SYNE2: variants seen among roughly 807,000 people sequenced by gnomAD.
SYNE2 encodes the protein nesprin-2.
SYNE2 carries 431 observed loss-of-function variants against 856.3 expected under a neutral mutation model. The observed-to-expected ratio is 0.50, with a 90% CI of 0.47 to 0.55. The LOEUF is 0.55. SYNE2 is among the 20% of genes least tolerant of loss of function. The pLI, the probability that SYNE2 is intolerant of heterozygous loss-of-function variation, is 0.00. For synonymous variants in SYNE2, 2,923 were observed against 2,872.3 expected (o/e 1.02, Z -0.56); for missense variants, 8,129 against 8,023.2 (o/e 1.01, Z -0.50).
rs149215311 is a variant in SYNE2, at chr14:64,026,606, G to A, written c.6280G>A (p.Asp2094Asn). 6.8e-6 allele frequency: 11 copies of A among 1,613,704 alleles called. No individual in the cohort carries two copies. In the East Asian group the frequency reaches 1.8e-4, roughly 26 times the overall value. The change falls in exon 42 of 116, where the codon GAT becomes AAT. Residue 2094 changes from aspartate to asparagine, a missense_variant. By Grantham distance (23) the Asp-to-Asn change is conservative. Transcript: ENST00000555002. ...KEIILLKPEG[D>N]ARIETIMKQA... ...AATCATTTTGCTGAAGCCTGAAGGG[G>A]ATGCCAGAATAGAGACCATCATGAA...
intron 11 of SYNE2, among the ~76,000 whole-genome samples, chr14:63,974,165 G>A (rs1566946816): frequency 6.6e-6 from 1 of 152,162 alleles, no homozygotes; most frequent in Non-Finnish European, 1.5e-5. Flanking sequence ...TTAAGACCAG[G>A]ACTTTTCATT....
chr14:63,803,767 C>T (rs1474404964), intron 1 of SYNE2, among the ~76,000 whole-genome samples: 3 of 152,220 alleles, frequency 2.0e-5, no homozygotes, highest in Admixed American at 2.0e-4. Flanking sequence ...GGAGCCCAGG[C>T]AGAGGAGGTG....
In SYNE2 at chr14:64,129,913, C is replaced by T. The variant is rs1442202552; in HGVS notation, c.14139+12C>T. 1 of 1,614,102 alleles carries T rather than the reference C, an allele frequency of 6.2e-7. No individual in the cohort carries two copies. The highest frequency in any genetic ancestry group is 1.1e-5 in the South Asian group (1 of 91,070). On this transcript the variant is annotated intron_variant, in intron 75 of 115. Coordinates refer to ENST00000555002, the MANE Select transcript of SYNE2 (RefSeq NM_182914.3). ...TTTACAAATTAGAGGTATGCCTGAGCAGAAAACATTGACTCAGCACTGTGA... is the reference window on the plus strand; with the variant it reads ...TTTACAAATTAGAGGTATGCCTGAGTAGAAAACATTGACTCAGCACTGTGA...
intron 90 of SYNE2, among the ~76,000 whole-genome samples, chr14:64,166,616 A>T: frequency 6.6e-6 from 1 of 152,210 alleles, no homozygotes; most frequent in East Asian, 1.9e-4. Context: ...TGGCAGACTA[A>T]ATGGGACTTA....
At chr14:63,785,070 C>T (rs1236405122) in intron 1 of SYNE2, among the ~76,000 whole-genome samples, 1 of 152,020 alleles carries the variant, frequency 6.6e-6, no homozygotes, top group Non-Finnish European at 1.5e-5. Flanking sequence ...TTGATAAGTC[C>T]CACTATTCAC....
intron 1 of SYNE2, among the ~76,000 whole-genome samples, chr14:63,853,648 G>T (rs971504248): frequency 6.6e-6 from 1 of 151,564 alleles, no homozygotes; most frequent in Non-Finnish European, 1.5e-5. Context: ...TTGCAGGATC[G>T]TGAGCGGTGC....
At chr14:64,072,413 A>G (rs1010780989) in intron 52 of SYNE2, among the ~76,000 whole-genome samples, 1 of 152,152 alleles carries the variant, frequency 6.6e-6, no homozygotes, top group Non-Finnish European at 1.5e-5. Context: ...ACAGCATCAG[A>G]TCACACAGGC....
intron 55 of SYNE2, among the ~76,000 whole-genome samples, chr14:64,078,811 C>G (rs1367236263): frequency 6.6e-6 from 1 of 152,172 alleles, no homozygotes; most frequent in Non-Finnish European, 1.5e-5. Context: ...GTGACCCACG[C>G]CTGTAATCCC....
chr14:64,051,373 A>G (rs1384192806), intron 47 of SYNE2, among the ~76,000 whole-genome samples, 184 bp from the exon 48 acceptor site: 2 of 151,782 alleles, frequency 1.3e-5, no homozygotes, highest in Non-Finnish European at 2.9e-5. Flanking sequence ...AGTTTTCTAC[A>G]CCAATTGAAA....
Position 64,137,878 on chromosome 14 carries a change from A to T in SYNE2, c.14738A>T (p.Glu4913Val), listed in dbSNP as rs1173407285. 1 of 1,614,188 alleles carries T rather than the reference A, an allele frequency of 6.2e-7. No individual in the cohort carries two copies. Among genetic ancestry groups the T allele is most frequent in the Non-Finnish European group, 8.5e-7 (1 of 1,180,026 alleles). ...KQLVASVSCP[E>V]LEGQIAKLEE... ...TTGGTGGCGTCTGTGAGCTGTCCTG[A>T]ATTAGAGGGCCAGATCGCAAAACTG... Residue 4913 changes from glutamate (E) to valine (V), a missense_variant, in exon 79 of 116, where the codon GAA becomes GTA. By Grantham distance (121) the Glu-to-Val change is moderately radical. Transcript: ENST00000555002.
At chr14:63,868,046 TAAAAAAAGA>T (rs1328975154) in intron 1 of SYNE2, among the ~76,000 whole-genome samples, 5 of 151,306 alleles carry the variant, frequency 3.3e-5, no homozygotes, top group African/African-American at 9.7e-5. Flanking sequence ...TAAGACTGTC[TAAAAAAAGA>T]AAAAAAAGAA....
At chr14:64,042,373 G>C (rs1437008675) in intron 45 of SYNE2, among the ~76,000 whole-genome samples, 1 of 152,208 alleles carries the variant, frequency 6.6e-6, no homozygotes, top group African/African-American at 2.4e-5. Context: ...AAGGGATAGA[G>C]GTTGGGCTTT....
intron 1 of SYNE2, among the ~76,000 whole-genome samples, chr14:63,809,059 C>G (rs1351334340): frequency 6.6e-6 from 1 of 151,970 alleles, no homozygotes; most frequent in Non-Finnish European, 1.5e-5. Context: ...TGGAGAGGCC[C>G]GGAGGTCACA....
chr14:63,948,921 A>T (rs2096100997), intron 6 of SYNE2, among the ~76,000 whole-genome samples: 1 of 150,232 alleles, frequency 6.7e-6, no homozygotes, highest in Admixed American at 6.7e-5. Context: ...GAATGATTTC[A>T]GTCTTTCACA....
At chr14:63,994,772 CAT>C (rs963415602) in intron 22 of SYNE2, among the ~76,000 whole-genome samples, 10 of 152,064 alleles carry the variant, frequency 6.6e-5, no homozygotes, top group African/African-American at 2.4e-4. Context: ...ATCTGTTTTG[CAT>C]AGTTTCCCTC....
chr14:64,104,258 CCT>C (rs2097756643), intron 64 of SYNE2, among the ~76,000 whole-genome samples: 1 of 152,096 alleles, frequency 6.6e-6, no homozygotes, highest in Admixed American at 6.6e-5. Flanking sequence ...TCCTTATTGA[CCT>C]CTCTGGGAGT....
intron 35 of SYNE2, 25 bp downstream of exon 35, chr14:64,020,118 C>T (rs760751974): frequency 2.6e-6 from 4 of 1,525,116 alleles, no homozygotes; most frequent in Non-Finnish European, 3.6e-6. Context: ...TTAAAAGTTT[C>T]AGTTATTGAG....
At chr14:64,050,758 C>T (rs555740418) in intron 47 of SYNE2, among the ~76,000 whole-genome samples, 1 of 152,224 alleles carries the variant, frequency 6.6e-6, no homozygotes, top group South Asian at 2.1e-4. Context: ...GTTGCTCACA[C>T]CTGTAATCCC....
chr14:64,050,232 GTC>G (rs1385695489), intron 47 of SYNE2, among the ~76,000 whole-genome samples: 2 of 152,134 alleles, frequency 1.3e-5, no homozygotes, highest in Non-Finnish European at 2.9e-5. Flanking sequence ...GCTCTCTGGA[GTC>G]TCTTTTATAA....
Sources: allele counts gnomAD v4.1 joint callset (sites outside exome capture counted in the v4.1 genomes callset), GRCh38; gene constraint gnomAD v4.1.1; transcripts MANE v1.5; gene names NCBI Gene and HGNC (gene_info 2026-07-23, HGNC 2026-07-21).